Variants in GALNT2 observed in about 807,000 individuals in gnomAD.
GALNT2 encodes polypeptide N-acetylgalactosaminyltransferase 2, also known as UDP-GalNAc:polypeptide N-acetylgalactosaminyltransferase 2.
A neutral mutation model predicts 81.4 loss-of-function variants in GALNT2; 31 were observed. The ratio of observed to expected loss-of-function variants is 0.38; its 90% CI spans 0.29 to 0.51. The LOEUF (loss-of-function observed/expected upper bound fraction) is 0.51, where lower values mean the gene tolerates loss of function less well. Among genes scored for constraint, GALNT2 ranks in the 20% least tolerant of loss-of-function variants. The probability of loss-of-function intolerance (pLI) is 0.87; values close to 1 mark genes in which losing one functional copy is unlikely to be tolerated. For missense variants in GALNT2, 629 were observed against 765.7 expected (o/e 0.82, Z 2.11); for synonymous variants, 303 against 287.4 (o/e 1.05, Z -0.55).
At chr1:230,134,233 C>G (rs12040171) in intron 1 of GALNT2, among the ~76,000 whole-genome samples, 1 of 152,004 alleles carries the variant, frequency 6.6e-6, no homozygotes, top group Non-Finnish European at 1.5e-5. Context: ...CTCAGCCTCC[C>G]GAATAGCTGG....
intron 1 of GALNT2, among the ~76,000 whole-genome samples, chr1:230,131,995 T>C (rs540092717): frequency 6.6e-6 from 1 of 152,312 alleles, no homozygotes; most frequent in East Asian, 1.9e-4. Flanking sequence ...TCCTTCCTGC[T>C]CTTGTTACCC....
chr1:230,072,381 G>A (rs1309911250), intron 1 of GALNT2, among the ~76,000 whole-genome samples: 2 of 151,786 alleles, frequency 1.3e-5, no homozygotes, highest in African/African-American at 4.8e-5. Context: ...CGGGGGGTGC[G>A]GTGAGGCTGC....
At chr1:230,173,242 G>A (rs1307117058) in intron 1 of GALNT2, among the ~76,000 whole-genome samples, 1 of 152,178 alleles carries the variant, frequency 6.6e-6, no homozygotes, top group Non-Finnish European at 1.5e-5. Flanking sequence ...TCCAGAGGCT[G>A]CGTGTGGATG....
At chr1:230,127,015 TGG>T in intron 1 of GALNT2, among the ~76,000 whole-genome samples, 1 of 152,256 alleles carries the variant, frequency 6.6e-6, no homozygotes, top group South Asian at 2.1e-4. Context: ...TGAATGGAGG[TGG>T]GGGGAGCGTC....
chr1:230,232,578 A>G (rs1664898237), intron 3 of GALNT2, among the ~76,000 whole-genome samples: 1 of 152,194 alleles, frequency 6.6e-6, no homozygotes, highest in South Asian at 2.1e-4. Flanking sequence ...TAAGTCATTC[A>G]ACCTAGGTCT....
chr1:230,261,531 G>T (rs1297922124), intron 11 of GALNT2, among the ~76,000 whole-genome samples: 1 of 152,198 alleles, frequency 6.6e-6, no homozygotes, highest in Admixed American at 6.5e-5. Context: ...GAGCAAAGAG[G>T]TTAGCTGTGT....
intron 2 of GALNT2, among the ~76,000 whole-genome samples, chr1:230,179,050 CTGAG>C (rs145557108): frequency 1.7e-4 from 25 of 149,762 alleles, no homozygotes; most frequent in African/African-American, 5.6e-4. Flanking sequence ...GCTTCTTTCA[CTGAG>C]TAATATATAT....
chr1:230,106,196 C>T (rs1355777767), intron 1 of GALNT2, among the ~76,000 whole-genome samples: 1 of 152,186 alleles, frequency 6.6e-6, no homozygotes, highest in East Asian at 1.9e-4. Context: ...GTTTTGTATT[C>T]CCTGATCAGC....
At chr1:230,155,761 G>A (rs1258479638) in intron 1 of GALNT2, among the ~76,000 whole-genome samples, 1 of 152,194 alleles carries the variant, frequency 6.6e-6, no homozygotes, top group Non-Finnish European at 1.5e-5. Flanking sequence ...GGCCCATCCT[G>A]ACTGGAAGAG....
chr1:230,216,834 T>G (rs898915223), intron 3 of GALNT2, among the ~76,000 whole-genome samples: 2 of 152,238 alleles, frequency 1.3e-5, no homozygotes, highest in African/African-American at 4.8e-5. Flanking sequence ...ACGACTATCT[T>G]AACTATATTG....
At position 230,193,708 on chromosome 1, in the gene GALNT2, T is replaced by C. The variant is rs1663600873; in HGVS notation, c.221-9429T>C. Among the ~76,000 whole-genome samples the C allele has an allele frequency of 6.6e-6, 1 of 152,238 alleles. No homozygotes were observed. Among genetic ancestry groups the C allele is most frequent in the African/African-American group, 2.4e-5 (1 of 41,454 alleles). On this transcript the variant is annotated intron_variant, in intron 2 of 15. Transcript: ENST00000366672. The surrounding 1 kb of genome is among the most constrained non-coding windows in gnomAD (Gnocchi z 4.3). ...TTTGAACAAGTCATCCAAATGCAAG[T>C]AGTCCCCTGATGACAAAAGCGTCTT...
chr1:230,205,177 CATACAGTG>C (rs1242442595), intron 3 of GALNT2, among the ~76,000 whole-genome samples: 1 of 152,184 alleles, frequency 6.6e-6, no homozygotes, highest in Non-Finnish European at 1.5e-5. Flanking sequence ...ACACACACTG[CATACAGTG>C]AAAGAAGATT....
At chr1:230,192,301 T>C (rs966566920) in intron 2 of GALNT2, among the ~76,000 whole-genome samples, 2 of 152,240 alleles carry the variant, frequency 1.3e-5, no homozygotes, top group Non-Finnish European at 2.9e-5. Flanking sequence ...TTCTGTGCCT[T>C]AGTTTCCTAA....
intron 10 of GALNT2, among the ~76,000 whole-genome samples, chr1:230,252,422 G>A (rs1271786140): frequency 6.6e-6 from 1 of 152,098 alleles, no homozygotes; most frequent in African/African-American, 2.4e-5. Flanking sequence ...TAACAATGGG[G>A]GTAAGGCTCC....
At chr1:230,236,331 T>C in intron 4 of GALNT2, 22 bp from the exon 5 acceptor site, 1 of 1,611,342 alleles carries the variant, frequency 6.2e-7, no homozygotes, top group Non-Finnish European at 8.5e-7. Flanking sequence ...CCTATAAACT[T>C]TATCTTCTTG....
At chr1:230,101,253 C>G (rs1167244597) in intron 1 of GALNT2, among the ~76,000 whole-genome samples, 1 of 152,216 alleles carries the variant, frequency 6.6e-6, no homozygotes, top group Non-Finnish European at 1.5e-5. Context: ...ATTCTACATA[C>G]TCCTAAATGT....
At chr1:230,201,458 A>G (rs1663890250) in intron 2 of GALNT2, among the ~76,000 whole-genome samples, 1 of 152,196 alleles carries the variant, frequency 6.6e-6, no homozygotes, top group Non-Finnish European at 1.5e-5. Context: ...AATTACATGT[A>G]ACTGATTCTC....
chr1:230,083,774 A>G (rs1659818824), intron 1 of GALNT2, among the ~76,000 whole-genome samples: 1 of 151,946 alleles, frequency 6.6e-6, no homozygotes, highest in Non-Finnish European at 1.5e-5. Flanking sequence ...TTTTACTTGG[A>G]GTATCTGGAT....
At chr1:230,180,521 G>A (rs1371275360) in intron 2 of GALNT2, among the ~76,000 whole-genome samples, 1 of 152,056 alleles carries the variant, frequency 6.6e-6, no homozygotes, top group Admixed American at 6.5e-5. Context: ...ATGACTTCAT[G>A]TAAAGTCTTG....
Sources: gnomAD v4.1 joint callset for allele counts (sites outside exome capture counted in the v4.1 genomes callset) on GRCh38, gnomAD v4.1.1 for gene constraint, Gnocchi (gnomAD v3.1) non-coding constraint, MANE v1.5 for transcripts, NCBI Gene and HGNC (gene_info 2026-07-23, HGNC 2026-07-21) for gene names.